The following DIAPH2 variants were observed in gnomAD, a reference collection of about 807,000 sequenced individuals.
The protein encoded by DIAPH2 is protein diaphanous homolog 2.
Under a neutral mutation model 92.7 loss-of-function variants are expected in DIAPH2, and 35 were observed. That is an observed-to-expected ratio of 0.38 (90% CI 0.29 to 0.50). The LOEUF (loss-of-function observed/expected upper bound fraction) is 0.50, where lower values mean the gene tolerates loss of function less well. DIAPH2 is among the 20% of genes least tolerant of loss of function. The pLI is 0.94. For missense variants in DIAPH2, 701 were observed against 819.5 expected (o/e 0.86, Z 1.77); for synonymous variants, 301 against 280.4 (o/e 1.07, Z -0.73).
intron 22 of DIAPH2, among the ~76,000 whole-genome samples, chrX:97,144,679 C>T (rs2067231551): frequency 1.8e-5 from 2 of 110,887 alleles, no homozygotes; most frequent in Admixed American, 9.6e-5. Flanking sequence ...TAATCTTGTA[C>T]ACTTTAGCCA....
chrX:97,260,387 A>G (rs900618000), intron 23 of DIAPH2, among the ~76,000 whole-genome samples: 2 of 112,522 alleles, frequency 1.8e-5, no homozygotes, highest in Non-Finnish European at 3.7e-5. Context: ...ACCTAGTTAC[A>G]AGGACTGCCC....
At chrX:97,203,631 G>A (rs1027779565) in intron 22 of DIAPH2, among the ~76,000 whole-genome samples, 5 of 111,537 alleles carry the variant, frequency 4.5e-5, no homozygotes, top group African/African-American at 9.8e-5. Flanking sequence ...GGAAGAAGTC[G>A]AATCCCTGAA....
At position 97,132,051 on chromosome X, in the gene DIAPH2, T is replaced by C. The variant is rs1037022512; in HGVS notation, c.2590-9614T>C. Among the ~76,000 whole-genome samples the C allele has an allele frequency of 2.7e-5, 3 of 111,949 alleles. No individual in the cohort carries two copies. The East Asian group carries it at 8.4e-4, about 31-fold the overall frequency. On this transcript the variant is annotated intron_variant, in intron 21 of 26. Coordinates refer to ENST00000324765, the MANE Select transcript of DIAPH2 (RefSeq NM_006729.5). ...AAGAAACTTAGCAGCACAAATGCCCTGCTGGTCCGGAAGGTGGCAATTGAG... is the reference window on the plus strand; with the variant it reads ...AAGAAACTTAGCAGCACAAATGCCCCGCTGGTCCGGAAGGTGGCAATTGAG...
intron 22 of DIAPH2, among the ~76,000 whole-genome samples, chrX:97,160,830 G>C (rs1281347657): frequency 9.0e-6 from 1 of 111,170 alleles, no homozygotes; most frequent in Admixed American, 9.6e-5. Context: ...ATTATATATT[G>C]ATCACAGAGA....
chrX:97,308,322 C>T (rs971840766), intron 23 of DIAPH2, among the ~76,000 whole-genome samples: 11 of 111,535 alleles, frequency 9.9e-5, no homozygotes, highest in African/African-American at 3.6e-4. Flanking sequence ...ACAGATTGAC[C>T]TTGACTCAAT....
At chrX:96,744,141 G>A (rs1474697778) in intron 3 of DIAPH2, among the ~76,000 whole-genome samples, 7 of 112,143 alleles carry the variant, frequency 6.2e-5, no homozygotes, top group East Asian at 5.6e-4. Context: ...TGAATATTGC[G>A]TATTTTCTAT....
chrX:97,334,327 G>A (rs1278096466), intron 23 of DIAPH2, among the ~76,000 whole-genome samples: 1 of 109,919 alleles, frequency 9.1e-6, no homozygotes, highest in African/African-American at 3.3e-5. Context: ...GCCGAGCGTG[G>A]TGGCGGGCGC....
intron 5 of DIAPH2, among the ~76,000 whole-genome samples, chrX:96,893,325 G>C (rs2065319996): frequency 9.0e-6 from 1 of 110,892 alleles, no homozygotes; most frequent in Non-Finnish European, 1.9e-5. Flanking sequence ...AGTGGAGAGG[G>C]GTCGGGGGGT....
In DIAPH2 at chrX:96,962,492, C is replaced by CAT. The variant is rs1356349349; in HGVS notation, c.1936-2600_1936-2599insTA. On this transcript the variant is annotated intron_variant, in intron 16 of 26. Transcript: ENST00000324765. ...ACATATATATATACACACACACACA[C>CAT]ACACATATATATATATATATATATA... Among the ~76,000 whole-genome samples, 6 of 19,549 alleles carry CAT rather than the reference C, an allele frequency of 3.1e-4. 1 individual carries two copies. Among genetic ancestry groups the CAT allele is most frequent in the African/African-American group, 8.7e-4 (6 of 6,876 alleles). The allele number at this position is 19,549 out of a possible 115,157, so 17.0% of individuals were successfully genotyped here.
At chrX:97,525,377 C>T (rs1004059696) in intron 26 of DIAPH2, among the ~76,000 whole-genome samples, 15 of 112,253 alleles carry the variant, frequency 1.3e-4, no homozygotes, top group African/African-American at 4.9e-4. Context: ...AACTCCTGCT[C>T]ATCCTTTTAA....
intron 25 of DIAPH2, among the ~76,000 whole-genome samples, chrX:97,400,540 T>G (rs755988695): frequency 6.8e-4 from 76 of 111,683 alleles, no homozygotes; most frequent in Admixed American, 1.4e-3. Context: ...TGAGAACATT[T>G]TAGATCTACT....
chrX:97,244,815 A>T (rs1273711661), intron 22 of DIAPH2, among the ~76,000 whole-genome samples: 2 of 112,021 alleles, frequency 1.8e-5, no homozygotes, highest in Non-Finnish European at 3.8e-5. Context: ...CTCAGGCCGG[A>T]CATGGTGGCT....
chrX:97,065,152 T>G (rs1427574002), intron 17 of DIAPH2, among the ~76,000 whole-genome samples: 1 of 111,667 alleles, frequency 9.0e-6, no homozygotes, highest in African/African-American at 3.3e-5. Flanking sequence ...TGGAGTTGAT[T>G]GCTGGACTCA....
At chrX:97,450,342 T>C (rs1488202690) in intron 26 of DIAPH2, among the ~76,000 whole-genome samples, 2 of 112,051 alleles carry the variant, frequency 1.8e-5, no homozygotes, top group Admixed American at 1.9e-4. Context: ...TAAATTACTA[T>C]GTATACAATC....
chrX:97,300,697 C>A (rs2068686737), intron 23 of DIAPH2, among the ~76,000 whole-genome samples: 1 of 97,723 alleles, frequency 1.0e-5, no homozygotes, highest in East Asian at 3.2e-4. Context: ...CTTTGGGAGG[C>A]CGAGGCGGGC....
At chrX:96,780,990 A>T (rs2147625314) in intron 4 of DIAPH2, among the ~76,000 whole-genome samples, 1 of 109,433 alleles carries the variant, frequency 9.1e-6, no homozygotes, top group Admixed American at 9.8e-5. Flanking sequence ...TATTTTTAGT[A>T]GAGACGGGGT....
chrX:96,845,271 T>C (rs1291383293), intron 4 of DIAPH2, among the ~76,000 whole-genome samples: 1 of 112,002 alleles, frequency 8.9e-6, no homozygotes, highest in Non-Finnish European at 1.9e-5. Context: ...ATGACGTACG[T>C]CTTCAGAGAT....
At chrX:97,220,290 A>C (rs1209089994) in intron 22 of DIAPH2, among the ~76,000 whole-genome samples, 1 of 109,234 alleles carries the variant, frequency 9.2e-6, no homozygotes, top group African/African-American at 3.3e-5. Context: ...CTGTTTTAAA[A>C]ATTCCTGAAT....
intron 4 of DIAPH2, among the ~76,000 whole-genome samples, chrX:96,789,908 C>T (rs773119302): frequency 2.7e-5 from 3 of 110,260 alleles, no homozygotes; most frequent in East Asian, 2.8e-4. Context: ...TTATTCAGAT[C>T]GTGCAATTTT....
Sources: allele counts gnomAD v4.1 joint callset (sites outside exome capture counted in the v4.1 genomes callset), GRCh38; gene constraint gnomAD v4.1.1; transcripts MANE v1.5; gene names NCBI Gene and HGNC (gene_info 2026-07-23, HGNC 2026-07-21).